BTC: variants seen among roughly 807,000 people sequenced by gnomAD.
The protein encoded by BTC is betacellulin.
A neutral mutation model predicts 18.1 loss-of-function variants in BTC; 13 were observed. That is an observed-to-expected ratio of 0.72 (90% confidence interval 0.47 to 1.14). The LOEUF is 1.14. Among genes scored for constraint, BTC ranks in the 50% most tolerant of loss-of-function variants. BTC has a pLI of 0.00. For missense variants in BTC, 247 were observed against 224.2 expected, an observed-to-expected ratio of 1.10 and a Z score of -0.65; for synonymous variants, 83 against 79.4, an observed-to-expected ratio of 1.05 and a Z score of -0.24.
rs1441597868 is a variant in BTC at position 74,745,689 on chromosome 4, G to C, written c.*988C>G. 6.6e-6 allele frequency: 1 copy of C among 152,018 alleles called. No individual in the cohort carries two copies. The highest frequency in any genetic ancestry group is 2.4e-5 in the African/African-American group (1 of 41,378). 9.4% of individuals were successfully genotyped at this position (152,018 alleles called of 1,614,324 possible). ...CATAAATGAGGATATGGTCACAACC[G>C]GTCCCTACCTGGTCTCTCCAGTGTT... On this transcript the variant is annotated 3_prime_UTR_variant, in exon 6 of 6. Coordinates refer to ENST00000395743, the MANE Select transcript of BTC (RefSeq NM_001729.4).
chr4:74,751,038 C>T (rs1448633890), intron 3 of BTC, among the ~76,000 whole-genome samples: 1 of 152,106 alleles, frequency 6.6e-6, no homozygotes, highest in East Asian at 1.9e-4. Context: ...ATTCCCAGTG[C>T]TTAAATAACT....
intron 2 of BTC, among the ~76,000 whole-genome samples, chr4:74,761,266 T>C (rs1285631555): frequency 1.3e-5 from 2 of 152,330 alleles, no homozygotes; most frequent in Admixed American, 6.5e-5. Context: ...ATGCATGCTA[T>C]AGAATTCTTG....
At chr4:74,770,978 G>T (rs1289946430) in intron 1 of BTC, among the ~76,000 whole-genome samples, 2 of 151,072 alleles carry the variant, frequency 1.3e-5, no homozygotes, top group African/African-American at 4.9e-5. Context: ...ATGTATCTGG[G>T]GTTTGCTTTA....
chr4:74,769,947 C>T (rs1437599886), intron 2 of BTC, 111 bp downstream of exon 2: 36 of 855,810 alleles, frequency 4.2e-5, no homozygotes, highest in Admixed American at 5.5e-5. Flanking sequence ...AAGCACTTAG[C>T]ACAGTGACTG....
At chr4:74,792,104 G>C (rs958801635) in intron 1 of BTC, among the ~76,000 whole-genome samples, 2 of 152,106 alleles carry the variant, frequency 1.3e-5, no homozygotes, top group Non-Finnish European at 2.9e-5. Flanking sequence ...TAAAAGTAAA[G>C]TGTGTATGAC....
rs1724438483 is a variant in BTC at position 74,750,723 on chromosome 4, T to C, written c.282-4A>G. ...TCCAATGTAGCCTTCATCACAGCTATAAAACAAGACGAGGGCAAGGAAGTA... is the reference window on the plus strand; with the variant it reads ...TCCAATGTAGCCTTCATCACAGCTACAAAACAAGACGAGGGCAAGGAAGTA... On this transcript the variant is annotated splice_region_variant and splice_polypyrimidine_tract_variant and intron_variant, in intron 3 of 5. Transcript: ENST00000395743. 3.1e-6 allele frequency: 5 copies of C among 1,611,094 alleles called. No homozygotes were observed. Among genetic ancestry groups the C allele is most frequent in the Non-Finnish European group, 4.2e-6 (5 of 1,179,328 alleles).
At chr4:74,793,414 C>T (rs1725685292) in intron 1 of BTC, among the ~76,000 whole-genome samples, 2 of 152,234 alleles carry the variant, frequency 1.3e-5, no homozygotes, top group African/African-American at 2.4e-5. Flanking sequence ...GGAGTGATAT[C>T]GTGGTGACAC....
chr4:74,793,559 C>A (rs1233035475), intron 1 of BTC, among the ~76,000 whole-genome samples: 1 of 152,164 alleles, frequency 6.6e-6, no homozygotes, highest in Non-Finnish European at 1.5e-5. Flanking sequence ...ATGCAGAGAG[C>A]AAGCTTTGAA....
rs544207492 is a variant in BTC at position 74,794,266 on chromosome 4, G to A, written c.60C>T (p.Ala20=). 3.2e-6 allele frequency: 5 copies of A among 1,550,178 alleles called. No individual in the cohort carries two copies. The highest frequency in any genetic ancestry group is 4.9e-5 in the East Asian group (2 of 40,866). ...ASSLPLLLAL[A]LGLVILHCVV... ...GTGCCCAGCACGGCCACTTACCCAG[G>A]GCAAGGGCCAGGAGCAGTGGCAGGG... Residue 20 remains alanine (A), a synonymous_variant, in exon 1 of 6, where the codon GCC becomes GCT. Coordinates refer to ENST00000395743, the MANE Select transcript of BTC (RefSeq NM_001729.4).
chr4:74,777,553 T>A (rs1725209075), intron 1 of BTC, among the ~76,000 whole-genome samples: 1 of 152,200 alleles, frequency 6.6e-6, no homozygotes, highest in Non-Finnish European at 1.5e-5. Context: ...GTATGCTTTT[T>A]TGTATGTACT....
rs1553955659 is a variant in BTC at position 74,748,147 on chromosome 4, G to A, written c.431C>T (p.Pro144Leu). The change falls in exon 5 of 6, where the codon CCT (proline) becomes CTT (leucine). Residue 144 changes from proline to leucine, a missense_variant and splice_region_variant. Coordinates refer to ENST00000395743, the MANE Select transcript of BTC (RefSeq NM_001729.4). ...LVIGVCTCCH[P>L]LRKRRKRKKK... ...CTTTCTTTTACGACGTTTCCGAAGAGGGCTTGGAAAATACGTGTTAGAAGT... is the reference window on the plus strand; with the variant it reads ...CTTTCTTTTACGACGTTTCCGAAGAAGGCTTGGAAAATACGTGTTAGAAGT... The A allele has an allele frequency of 3.1e-6, 5 of 1,599,570 alleles. No homozygotes were observed. The highest frequency in any genetic ancestry group is 2.7e-5 in the African/African-American group (2 of 74,562).
chr4:74,769,993 T>C (rs1175838187), intron 2 of BTC, 65 bp downstream of exon 2: 1 of 1,326,344 alleles, frequency 7.5e-7, no homozygotes, highest in Non-Finnish European at 1.1e-6. Context: ...TACCTAGTAT[T>C]ATGAGTACTA....
intron 2 of BTC, among the ~76,000 whole-genome samples, chr4:74,759,052 G>A (rs570621716): frequency 7.3e-5 from 11 of 151,618 alleles, no homozygotes; most frequent in South Asian, 4.2e-4. Flanking sequence ...TTTTTTGAAC[G>A]GCACCTAAAA....
chr4:74,789,027 A>AGTT (rs1479179185), intron 1 of BTC, among the ~76,000 whole-genome samples: 2 of 152,186 alleles, frequency 1.3e-5, no homozygotes, highest in African/African-American at 4.8e-5. Flanking sequence ...TCACATCAAG[A>AGTT]TCTCTGTGAT....
rs1032640934 is a variant in BTC, at chr4:74,794,341, G to C, written c.-16C>G. On this transcript the variant is annotated 5_prime_UTR_variant, in exon 1 of 6. Transcript: ENST00000395743. The stretch of plus-strand genomic sequence containing the variant: ...CCCGGTCCATCAACCCCGCTCTGCC[G>C]GGCCGGGCAGCCCCTAGACAAGTCT... 3 of 1,540,462 alleles carry C rather than the reference G, an allele frequency of 1.9e-6. No homozygotes were observed. The highest frequency in any genetic ancestry group is 1.4e-5 in the African/African-American group (1 of 72,650).
At chr4:74,746,772 A>C (rs1472332941) in intron 5 of BTC, 97 bp from the exon 6 acceptor site, 1 of 146,422 alleles carries the variant, frequency 6.8e-6, no homozygotes, top group African/African-American at 2.5e-5. Context: ...TTTTGTTTTC[A>C]ATTCAATAAT....
Position 74,745,622 on chromosome 4 carries a change from C to G in BTC, c.*1055G>C, listed in dbSNP as rs1724269013. The G allele has an allele frequency of 6.6e-6, 1 of 152,112 alleles. No individual in the cohort carries two copies. The allele number at this position is 152,112 out of a possible 1,614,324, so 9.4% of individuals were successfully genotyped here. On this transcript the variant is annotated 3_prime_UTR_variant, in exon 6 of 6. Transcript: ENST00000395743. ...TGTTATGGTCATGAATTTACTGCAT[C>G]AAAATTTACCTGAGAGCAATCATAT...
At chr4:74,772,877 C>T (rs890269576) in intron 1 of BTC, among the ~76,000 whole-genome samples, 3 of 152,202 alleles carry the variant, frequency 2.0e-5, no homozygotes, top group Non-Finnish European at 4.4e-5. Flanking sequence ...AGTTCTAATT[C>T]CTTTGAAACC....
At chr4:74,763,170 C>T (rs1359966536) in intron 2 of BTC, among the ~76,000 whole-genome samples, 1 of 152,072 alleles carries the variant, frequency 6.6e-6, no homozygotes, top group Non-Finnish European at 1.5e-5. Context: ...CGAAAAAATT[C>T]TATATCCTAT....
Sources: allele counts gnomAD v4.1 joint callset (sites outside exome capture counted in the v4.1 genomes callset), GRCh38; gene constraint gnomAD v4.1.1; transcripts MANE v1.5; gene names NCBI Gene and HGNC (gene_info 2026-07-23, HGNC 2026-07-21).